RANBP10: variants seen among roughly 807,000 people sequenced by gnomAD.
RANBP10 encodes RAN binding protein 10, also known as ran-binding protein 10.
A neutral mutation model predicts 72.8 loss-of-function variants in RANBP10; 24 were observed. The ratio of observed to expected loss-of-function variants is 0.33; its 90% confidence interval spans 0.24 to 0.46. The LOEUF (loss-of-function observed/expected upper bound fraction) is 0.46, where lower values mean the gene tolerates loss of function less well. RANBP10 is among the 20% of genes least tolerant of loss of function. RANBP10 has a pLI of 1.00. For synonymous variants in RANBP10, 310 were observed against 322.3 expected (o/e 0.96, Z 0.41); for missense variants, 679 against 817.5 (o/e 0.83, Z 2.07).
chr16:67,792,383 T>C (rs977800950), intron 2 of RANBP10, among the ~76,000 whole-genome samples: 1 of 150,208 alleles, frequency 6.7e-6, no homozygotes. Flanking sequence ...TGAAACCCCA[T>C]CTCTACTAAA....
chr16:67,728,921 C>A (rs926154643), intron 10 of RANBP10, among the ~76,000 whole-genome samples: 1 of 152,274 alleles, frequency 6.6e-6, no homozygotes, highest in Admixed American at 6.5e-5. Context: ...CTCTAGCCTG[C>A]GGCTTAGCTT....
intron 4 of RANBP10, among the ~76,000 whole-genome samples, chr16:67,739,415 C>T (rs2053922529): frequency 6.6e-6 from 1 of 152,116 alleles, no homozygotes; most frequent in Non-Finnish European, 1.5e-5. Context: ...GGATTTGTTC[C>T]TAGTCCAATG....
chr16:67,784,543 C>G (rs2054872801), intron 2 of RANBP10, among the ~76,000 whole-genome samples: 1 of 152,142 alleles, frequency 6.6e-6, no homozygotes, highest in Non-Finnish European at 1.5e-5. Context: ...CTAATCCCAG[C>G]TACTCTGGAG....
chr16:67,770,409 T>C (rs1266933206), intron 3 of RANBP10, among the ~76,000 whole-genome samples: 1 of 151,888 alleles, frequency 6.6e-6, no homozygotes, highest in Non-Finnish European at 1.5e-5. Flanking sequence ...CTAAGCATCC[T>C]AGATTGAAAG....
At position 67,806,511 on chromosome 16, in the gene RANBP10, C is replaced by A. The variant is rs1437822469; in HGVS notation, c.26G>T (p.Gly9Val). MAAATADP[G>V]AGNPQPGDSS... The stretch of plus-strand genomic sequence containing the variant: ...GTCCCCAGGCTGCGGGTTCCCAGCT[C>A]CCGGGTCTGCCGTCGCTGCCGCCAT... Residue 9 changes from glycine to valine, a missense_variant, in exon 1 of 14, where the codon GGA becomes GTA. Transcript: ENST00000317506. The A allele has an allele frequency of 6.6e-7, 1 of 1,520,520 alleles. No homozygotes were observed. Among genetic ancestry groups the A allele is most frequent in the Admixed American group, 2.1e-5 (1 of 46,528 alleles). The allele number at this position is 1,520,520 out of a possible 1,614,324, so 94.2% of individuals were successfully genotyped here.
At chr16:67,791,826 G>A (rs1463916464) in intron 2 of RANBP10, among the ~76,000 whole-genome samples, 2 of 152,178 alleles carry the variant, frequency 1.3e-5, no homozygotes, top group African/African-American at 4.8e-5. Context: ...ATTTAGGTCT[G>A]AAATGAGGGC....
intron 3 of RANBP10, among the ~76,000 whole-genome samples, chr16:67,751,885 C>T (rs940058500): frequency 1.3e-4 from 19 of 150,736 alleles, no homozygotes; most frequent in Admixed American, 8.6e-4. Context: ...CACTTCACTC[C>T]GTCTCAAAAA....
chr16:67,739,546 A>C lies in RANBP10; in HGVS notation c.569-1511T>G, dbSNP rs921893494. Among the ~76,000 whole-genome samples the C allele has an allele frequency of 1.6e-4, 24 of 152,156 alleles. 1 individual carries two copies. ...CCAAGCTGGCAAAGTTCAGGTTAACAATGGCCTGTGTGGAAGGATCTCTTG... is the reference window on the plus strand; with the variant it reads ...CCAAGCTGGCAAAGTTCAGGTTAACCATGGCCTGTGTGGAAGGATCTCTTG... On this transcript the variant is annotated intron_variant, in intron 4 of 13. Transcript: ENST00000317506.
At chr16:67,764,994 G>A (rs568751296) in intron 3 of RANBP10, among the ~76,000 whole-genome samples, 24 of 151,992 alleles carry the variant, frequency 1.6e-4, no homozygotes, top group Middle Eastern at 3.4e-3. Flanking sequence ...TAAATAGTAC[G>A]AGAAGCAAAA....
chr16:67,768,380 G>A (rs1364412911), intron 3 of RANBP10, among the ~76,000 whole-genome samples: 2 of 151,884 alleles, frequency 1.3e-5, no homozygotes, highest in Non-Finnish European at 2.9e-5. Flanking sequence ...AATTAGCCAG[G>A]CGTGGTGGTG....
intron 1 of RANBP10, among the ~76,000 whole-genome samples, chr16:67,806,006 C>T: frequency 6.6e-6 from 1 of 152,238 alleles, no homozygotes; most frequent in East Asian, 1.9e-4. Flanking sequence ...GGCGAAAGGT[C>T]CCGCTGCCGT....
rs1453807839 is a variant in RANBP10, at chr16:67,725,388, G to A, written c.*1040C>T. On this transcript the variant is annotated 3_prime_UTR_variant, in exon 14 of 14. Transcript: ENST00000317506. ...GGAAGAAAGCAGCCCCTGTACTCAA[G>A]GGCCTCTGTCCTGGGAATGGAGTCT... The A allele has an allele frequency of 6.6e-6, 1 of 152,568 alleles. No homozygotes were observed. Among genetic ancestry groups the A allele is most frequent in the African/African-American group, 2.4e-5 (1 of 41,446 alleles). 9.5% of individuals were successfully genotyped at this position (152,568 alleles called of 1,614,324 possible). A position where few individuals can be genotyped will look rare whatever the true frequency, so the allele number is the denominator to read the frequency against.
intron 3 of RANBP10, among the ~76,000 whole-genome samples, chr16:67,771,622 G>A (rs534561203): frequency 6.6e-6 from 1 of 152,282 alleles, no homozygotes; most frequent in Admixed American, 6.5e-5. Flanking sequence ...GATTACAGGC[G>A]TGAGCCGCTG....
chr16:67,801,175 G>A (rs907191616), intron 2 of RANBP10, among the ~76,000 whole-genome samples: 1 of 152,132 alleles, frequency 6.6e-6, no homozygotes, highest in African/African-American at 2.4e-5. Flanking sequence ...TTACAAAGGA[G>A]GTGTACTCAA....
chr16:67,780,962 C>T (rs8058835), intron 2 of RANBP10, among the ~76,000 whole-genome samples: 21,321 of 152,292 alleles, frequency 0.14, 2,999 homozygotes, highest in African/African-American at 0.36. Flanking sequence ...AAGGAGCAAA[C>T]ACAGTTTACA....
At chr16:67,775,178 G>A (rs1385355318) in intron 2 of RANBP10, among the ~76,000 whole-genome samples, 1 of 152,106 alleles carries the variant, frequency 6.6e-6, no homozygotes, top group Non-Finnish European at 1.5e-5. Flanking sequence ...AGGGTGTGGT[G>A]GCACACGCCT....
intron 3 of RANBP10, among the ~76,000 whole-genome samples, chr16:67,749,937 T>C (rs1243549275): frequency 6.6e-6 from 1 of 152,074 alleles, no homozygotes; most frequent in Non-Finnish European, 1.5e-5. Flanking sequence ...TCCACAACCA[T>C]GGGCCACACC....
intron 5 of RANBP10, 138 bp downstream of exon 5, chr16:67,737,875 C>G: frequency 8.4e-7 from 1 of 1,196,814 alleles, no homozygotes; most frequent in Non-Finnish European, 1.2e-6. Flanking sequence ...TCCTGGTACC[C>G]TCAAGCTGAC....
In RANBP10 at chr16:67,727,765, T is replaced by A. The variant is rs1374054754; in HGVS notation, c.1606A>T (p.Thr536Ser). 6.2e-7 allele frequency: 1 copy of A among 1,614,172 alleles called. No homozygotes were observed. The highest frequency in any genetic ancestry group is 1.7e-5 in the Admixed American group (1 of 60,006). The stretch of plus-strand genomic sequence containing the variant: ...TCATCCTGTACCTGCAGCATCTCTG[T>A]GTGGGCCAAATTCTTGCCGTACTCC... Reference protein sequence around the residue: ...GREYGKNLAHTEMLQDAFSLL... With the variant: ...GREYGKNLAHSEMLQDAFSLL... Residue 536 changes from threonine to serine, a missense_variant, in exon 12 of 14, where the codon ACA (threonine) becomes TCA (serine). By Grantham distance (58) the Thr-to-Ser change is moderately conservative. Transcript: ENST00000317506.
Sources: allele counts gnomAD v4.1 joint callset (sites outside exome capture counted in the v4.1 genomes callset), GRCh38; gene constraint gnomAD v4.1.1; transcripts MANE v1.5; gene names NCBI Gene and HGNC (gene_info 2026-07-23, HGNC 2026-07-21).